Variants in KIF4A observed in about 807,000 individuals in gnomAD.
KIF4A encodes the protein chromosome-associated kinesin KIF4A.
A neutral mutation model predicts 105.9 loss-of-function variants in KIF4A; 7 were observed. The observed-to-expected ratio is 0.07, with a 90% CI of 0.04 to 0.12. KIF4A has a LOEUF of 0.12. KIF4A is among the 10% of genes least tolerant of loss of function. The pLI is 1.00. For synonymous variants in KIF4A, 281 were observed against 331.3 expected (o/e 0.85, Z 1.65); for missense variants, 558 against 929.2 (o/e 0.60, Z 5.19).
At chrX:70,383,630 C>G (rs1328236147) in intron 18 of KIF4A, among the ~76,000 whole-genome samples, 5 of 112,086 alleles carry the variant, frequency 4.5e-5, no homozygotes, top group African/African-American at 1.6e-4. Flanking sequence ...AGTGGAAAAA[C>G]CCAACATGTC....
At chrX:70,370,493 G>T (rs1404015762) in intron 15 of KIF4A, among the ~76,000 whole-genome samples, 1 of 106,472 alleles carries the variant, frequency 9.4e-6, no homozygotes, top group East Asian at 2.8e-4. Context: ...TAGAATATAT[G>T]ATATACTATA....
chrX:70,341,709 C>T (rs1179802768), intron 10 of KIF4A, 90 bp from the exon 11 acceptor site: 5 of 967,452 alleles, frequency 5.2e-6, no homozygotes, highest in Non-Finnish European at 6.9e-6. Flanking sequence ...CCTACCTATC[C>T]AAAAGGCCTA....
chrX:70,376,550 A>G (rs1197348637), intron 18 of KIF4A, among the ~76,000 whole-genome samples: 1 of 111,957 alleles, frequency 8.9e-6, no homozygotes, highest in Non-Finnish European at 1.9e-5. Flanking sequence ...AAAGAAAGCA[A>G]ATTTGCAGTT....
chrX:70,349,611 GGGT>G (rs2086016304), intron 13 of KIF4A, among the ~76,000 whole-genome samples: 1 of 83,768 alleles, frequency 1.2e-5, no homozygotes, highest in African/African-American at 4.7e-5. Context: ...ATCCCAGACG[GGGT>G]GGTGGCCGGG....
At chrX:70,301,861 G>A (rs760620348) in intron 5 of KIF4A, 39 bp from the exon 6 acceptor site, 26 of 1,190,081 alleles carry the variant, frequency 2.2e-5, no homozygotes, top group Non-Finnish European at 2.3e-5. Context: ...AGCATTTGAA[G>A]TATAAATCAT....
intron 5 of KIF4A, 48 bp downstream of exon 5, chrX:70,299,250 A>G (rs2085795550): frequency 9.7e-7 from 1 of 1,033,626 alleles, no homozygotes; most frequent in Non-Finnish European, 1.3e-6. Flanking sequence ...TGGCAATTAT[A>G]ATACTAAAGT....
intron 9 of KIF4A, among the ~76,000 whole-genome samples, chrX:70,332,905 T>C: frequency 8.9e-6 from 1 of 111,877 alleles, no homozygotes; most frequent in Non-Finnish European, 1.9e-5. Flanking sequence ...ATTTGCTTAT[T>C]CTGTCTTGTA....
At chrX:70,327,264 T>C (rs956677428) in intron 7 of KIF4A, among the ~76,000 whole-genome samples, 1 of 111,056 alleles carries the variant, frequency 9.0e-6, no homozygotes, top group African/African-American at 3.3e-5. Flanking sequence ...AAGGGATAAT[T>C]GAGAAAATTA....
chrX:70,404,699 T>C lies in KIF4A; in HGVS notation c.2791-16T>C. 8.6e-7 allele frequency: 1 copy of C among 1,165,022 alleles called. No homozygotes were observed. The highest frequency in any genetic ancestry group is 1.2e-6 in the Non-Finnish European group (1 of 858,681). On this transcript the variant is annotated splice_polypyrimidine_tract_variant and intron_variant, in intron 24 of 30. Transcript: ENST00000374403. ...GGTACCTTTGTTACCACCCATTGGA[T>C]CGTGTCTTTCTCTAGGTGCTGTACC...
In KIF4A at chrX:70,373,536, A is replaced by ATG. The variant is rs2086152356; in HGVS notation, c.1675-614_1675-613insGT. Among the ~76,000 whole-genome samples, 3 of 35,794 alleles carry ATG rather than the reference A, an allele frequency of 8.4e-5. 1 individual carries two copies. The highest frequency in any genetic ancestry group is 1.2e-4 in the Non-Finnish European group (3 of 24,942). 31.1% of individuals were successfully genotyped at this position (35,794 alleles called of 115,157 possible). A position where few individuals can be genotyped will look rare whatever the true frequency, so the allele number is the denominator to read the frequency against. The stretch of plus-strand genomic sequence containing the variant: ...CATGTGTGTGTATGTATATATATAT[A>ATG]TATATATATATATATATATACGTAT... On this transcript the variant is annotated intron_variant, in intron 15 of 30. Coordinates refer to ENST00000374403, the MANE Select transcript of KIF4A (RefSeq NM_012310.5).
chrX:70,411,977 T>TACAC (rs747340719), intron 28 of KIF4A, among the ~76,000 whole-genome samples: 4 of 106,488 alleles, frequency 3.8e-5, no homozygotes, highest in African/African-American at 6.8e-5. Context: ...GCAGTTGTGA[T>TACAC]ACACACACAC....
chrX:70,293,501 T>G (rs909037720), intron 3 of KIF4A, among the ~76,000 whole-genome samples: 1 of 112,247 alleles, frequency 8.9e-6, no homozygotes. Context: ...AAGTTATAAT[T>G]ATGCATCAGT....
intron 14 of KIF4A, 58 bp from the exon 15 acceptor site, chrX:70,353,564 C>A: frequency 9.5e-7 from 1 of 1,047,140 alleles, no homozygotes; most frequent in Non-Finnish European, 1.3e-6. Flanking sequence ...TGAAATAGTG[C>A]CTAAGGAACT....
intron 9 of KIF4A, among the ~76,000 whole-genome samples, chrX:70,331,719 G>A (rs2085931693): frequency 9.0e-6 from 1 of 111,706 alleles, no homozygotes; most frequent in Non-Finnish European, 1.9e-5. Flanking sequence ...CCAGGATGAG[G>A]CTAGAGGGAA....
intron 15 of KIF4A, among the ~76,000 whole-genome samples, chrX:70,366,401 C>G (rs2086103612): frequency 8.9e-6 from 1 of 111,806 alleles, no homozygotes; most frequent in South Asian, 3.7e-4. Flanking sequence ...CTATAAATTT[C>G]CCTCTACACA....
chrX:70,291,911 G>A (rs2085762769), intron 3 of KIF4A, among the ~76,000 whole-genome samples: 1 of 111,494 alleles, frequency 9.0e-6, no homozygotes, highest in Non-Finnish European at 1.9e-5. Context: ...AGTGATGTTA[G>A]TTCATTCCTT....
intron 13 of KIF4A, among the ~76,000 whole-genome samples, chrX:70,350,408 C>T (rs867966070): frequency 4.5e-5 from 5 of 110,733 alleles, no homozygotes; most frequent in Admixed American, 9.5e-5. Context: ...TCACGGGAGC[C>T]GGAGGCAGGG....
intron 20 of KIF4A, among the ~76,000 whole-genome samples, chrX:70,390,314 G>T (rs950714011): frequency 6.3e-5 from 7 of 111,041 alleles, no homozygotes; most frequent in African/African-American, 2.3e-4. Flanking sequence ...GCACTTGCTA[G>T]AACCTCCAGT....
At chrX:70,393,718 G>GTT (rs201182676) in intron 20 of KIF4A, among the ~76,000 whole-genome samples, 1 of 89,101 alleles carries the variant, frequency 1.1e-5, no homozygotes, top group Non-Finnish European at 2.3e-5. Flanking sequence ...TTAGTATGTT[G>GTT]TTTTTTTTTT....
Sources: allele counts gnomAD v4.1 joint callset (sites outside exome capture counted in the v4.1 genomes callset), GRCh38; gene constraint gnomAD v4.1.1; transcripts MANE v1.5; gene names NCBI Gene and HGNC (gene_info 2026-07-23, HGNC 2026-07-21).